The following PDSS2 variants were observed in gnomAD, a reference collection of about 807,000 sequenced individuals.
The protein encoded by PDSS2 is all trans-polyprenyl-diphosphate synthase PDSS2.
Under a neutral mutation model 44.5 loss-of-function variants are expected in PDSS2, and 31 were observed. The observed-to-expected ratio is 0.70, with a 90% CI of 0.52 to 0.94. The LOEUF (loss-of-function observed/expected upper bound fraction) is 0.94, where lower values mean the gene tolerates loss of function less well. Among genes scored for constraint, PDSS2 ranks in the 40% least tolerant of loss-of-function variants. The probability of loss-of-function intolerance (pLI) is 0.00; values close to 1 mark genes in which losing one functional copy is unlikely to be tolerated. For missense variants in PDSS2, 452 were observed against 482.2 expected, an observed-to-expected ratio of 0.94 and a Z score of 0.59; for synonymous variants, 157 against 180.3, an observed-to-expected ratio of 0.87 and a Z score of 1.03.
At chr6:107,266,112 C>T (rs1775405004) in intron 3 of PDSS2, among the ~76,000 whole-genome samples, 1 of 152,206 alleles carries the variant, frequency 6.6e-6, no homozygotes, top group African/African-American at 2.4e-5. Context: ...TATAACTTCA[C>T]TTTCCTTAAA....
At chr6:107,197,767 G>A (rs1035705903) in intron 6 of PDSS2, 10 of 466,092 alleles carry the variant, frequency 2.1e-5, no homozygotes, top group African/African-American at 2.0e-4. Flanking sequence ...TGTCAATGTT[G>A]CCTCTCTTCT....
chr6:107,416,873 A>T (rs1004753432), intron 1 of PDSS2, among the ~76,000 whole-genome samples: 4 of 152,082 alleles, frequency 2.6e-5, no homozygotes, highest in Non-Finnish European at 4.4e-5. Flanking sequence ...ACTGTAGAGA[A>T]AATAGAAGAA....
At chr6:107,313,645 C>G (rs1042886067) in intron 2 of PDSS2, among the ~76,000 whole-genome samples, 9 of 152,108 alleles carry the variant, frequency 5.9e-5, no homozygotes, top group African/African-American at 2.2e-4. Context: ...TGAGCCACCA[C>G]GCCCGGCCCT....
intron 2 of PDSS2, among the ~76,000 whole-genome samples, chr6:107,275,131 G>T (rs1215062357): frequency 6.6e-6 from 1 of 152,114 alleles, no homozygotes; most frequent in Non-Finnish European, 1.5e-5. Context: ...GGAGCTTGTA[G>T]TATAGAACTA....
At chr6:107,158,341 C>T (rs1554246091) in intron 7 of PDSS2, among the ~76,000 whole-genome samples, 1 of 151,970 alleles carries the variant, frequency 6.6e-6, no homozygotes, top group Non-Finnish European at 1.5e-5. Context: ...CCTACCACTA[C>T]ACCTGGCTAA....
chr6:107,417,770 A>G (rs907532445), intron 1 of PDSS2, among the ~76,000 whole-genome samples: 1 of 109,674 alleles, frequency 9.1e-6, no homozygotes, highest in Non-Finnish European at 1.8e-5. Flanking sequence ...CAAAAAAATT[A>G]ATAATAATAC....
At chr6:107,359,515 T>G (rs1310039751) in intron 1 of PDSS2, among the ~76,000 whole-genome samples, 1 of 151,482 alleles carries the variant, frequency 6.6e-6, no homozygotes, top group Non-Finnish European at 1.5e-5. Flanking sequence ...TCCCAGCTAC[T>G]TGGAAGGCTG....
chr6:107,269,340 C>CTGTGTGTG (rs58803876), intron 3 of PDSS2, among the ~76,000 whole-genome samples: 27,926 of 143,094 alleles, frequency 0.2, 3,145 homozygotes, highest in South Asian at 0.29. Flanking sequence ...TTTCGTGTGT[C>CTGTGTGTG]TGTGTGTGTG....
At chr6:107,310,157 C>T (rs915128585) in intron 2 of PDSS2, among the ~76,000 whole-genome samples, 8 of 151,746 alleles carry the variant, frequency 5.3e-5, no homozygotes, top group East Asian at 1.9e-4. Context: ...TGGTGGCAGG[C>T]GCCTGTAGTC....
At chr6:107,354,364 AAG>A (rs1359794895) in intron 1 of PDSS2, among the ~76,000 whole-genome samples, 1 of 152,248 alleles carries the variant, frequency 6.6e-6, no homozygotes, top group Non-Finnish European at 1.5e-5. Flanking sequence ...ATGAAACAGG[AAG>A]AGTTTCTTTA....
chr6:107,247,317 T>C (rs1296864062), intron 3 of PDSS2, among the ~76,000 whole-genome samples: 1 of 152,244 alleles, frequency 6.6e-6, no homozygotes, highest in Non-Finnish European at 1.5e-5. Flanking sequence ...CATGAACTTT[T>C]AACAGTGGAT....
rs555751335 is a variant in PDSS2, at chr6:107,394,455, C to T, written c.297-60123G>A. On this transcript the variant is annotated intron_variant, in intron 1 of 7. Coordinates refer to ENST00000369037, the MANE Select transcript of PDSS2 (RefSeq NM_020381.4). ...GCAGGAGCAGGGGAGGGAGGAGGTG[C>T]CACACAATTTTAAAGAACCAGCTCT... Among the ~76,000 whole-genome samples, 4 of 152,140 alleles carry T rather than the reference C, an allele frequency of 2.6e-5. No individual in the cohort carries two copies. The East Asian group carries it at 7.8e-4, about 29-fold the overall frequency.
intron 1 of PDSS2, among the ~76,000 whole-genome samples, chr6:107,441,081 C>T (rs994263099): frequency 2.0e-5 from 3 of 152,100 alleles, no homozygotes; most frequent in Admixed American, 2.0e-4. Flanking sequence ...TTGGAAATTC[C>T]ACAAGGCTAT....
intron 1 of PDSS2, among the ~76,000 whole-genome samples, chr6:107,368,039 G>A (rs1283765477): frequency 6.6e-6 from 1 of 152,108 alleles, no homozygotes; most frequent in Non-Finnish European, 1.5e-5. Flanking sequence ...GGGAGGTCAA[G>A]GAGGGCGGAT....
At chr6:107,339,404 C>A (rs377418738) in intron 1 of PDSS2, among the ~76,000 whole-genome samples, 1 of 152,136 alleles carries the variant, frequency 6.6e-6, no homozygotes. Context: ...ACAAAAACAT[C>A]ATTTGTTCAT....
chr6:107,176,155 C>T (rs111875612), intron 7 of PDSS2, among the ~76,000 whole-genome samples: 4 of 152,166 alleles, frequency 2.6e-5, no homozygotes, highest in African/African-American at 9.6e-5. Flanking sequence ...GATTCTTCTG[C>T]CTCAGCCTCC....
At chr6:107,290,804 G>A (rs1255815112) in intron 2 of PDSS2, among the ~76,000 whole-genome samples, 2 of 152,042 alleles carry the variant, frequency 1.3e-5, no homozygotes, top group Non-Finnish European at 2.9e-5. Flanking sequence ...CAGCATTCTC[G>A]ATCCCTACTT....
intron 3 of PDSS2, among the ~76,000 whole-genome samples, chr6:107,254,739 C>A (rs113345549): frequency 0.023 from 3,455 of 152,318 alleles, 52 homozygotes; most frequent in Non-Finnish European, 0.036. Flanking sequence ...GCTTTCACTG[C>A]TTCTTCATCT....
intron 4 of PDSS2, among the ~76,000 whole-genome samples, chr6:107,215,751 T>C (rs944046382): frequency 3.3e-5 from 5 of 152,184 alleles, no homozygotes; most frequent in Non-Finnish European, 7.4e-5. Flanking sequence ...ATAAATTGTA[T>C]TAACTATAGC....
Sources: gnomAD v4.1 joint callset for allele counts (sites outside exome capture counted in the v4.1 genomes callset) on GRCh38, gnomAD v4.1.1 for gene constraint, MANE v1.5 for transcripts, NCBI Gene and HGNC (gene_info 2026-07-23, HGNC 2026-07-21) for gene names.